Variants in RIPOR3 observed in about 807,000 individuals in gnomAD.
The protein encoded by RIPOR3 is family with sequence similarity 65 member C.
In RIPOR3, 95 loss-of-function variants were observed where a neutral mutation model predicts 114.3. That is an observed-to-expected ratio of 0.83 (90% CI 0.70 to 0.99). The LOEUF (loss-of-function observed/expected upper bound fraction) is 0.99, where lower values mean the gene tolerates loss of function less well. RIPOR3 is among the 50% of genes least tolerant of loss of function. RIPOR3 has a pLI of 0.00. For synonymous variants in RIPOR3, 575 were observed against 543.8 expected, an observed-to-expected ratio of 1.06 and a Z score of -0.80; for missense variants, 1,252 against 1,266.9, an observed-to-expected ratio of 0.99 and a Z score of 0.18.
chr20:50,663,953 T>A (rs1444421307), intron 1 of RIPOR3, among the ~76,000 whole-genome samples: 1 of 148,728 alleles, frequency 6.7e-6, no homozygotes, highest in Non-Finnish European at 1.5e-5. Flanking sequence ...TGAGATGGAG[T>A]TTCATTCTTA....
intron 1 of RIPOR3, among the ~76,000 whole-genome samples, chr20:50,655,693 G>GTGTGTGTT (rs2085786408): frequency 6.6e-6 from 1 of 151,310 alleles, no homozygotes; most frequent in Non-Finnish European, 1.5e-5. Flanking sequence ...GTGTGTGTGT[G>GTGTGTGTT]TGTGTGTGTG....
At chr20:50,620,980 G>A in intron 2 of RIPOR3, 1 of 527,186 alleles carries the variant, frequency 1.9e-6, no homozygotes, top group Non-Finnish European at 3.7e-6. Flanking sequence ...AGTTCATCAA[G>A]GAAAGGGTGG....
chr20:50,635,695 GAAGAA>G (rs1272407629), intron 1 of RIPOR3, among the ~76,000 whole-genome samples: 1 of 151,916 alleles, frequency 6.6e-6, no homozygotes, highest in African/African-American at 2.4e-5. Context: ...AAAAGGAAAG[GAAGAA>G]AAGAAGGAAA....
At chr20:50,650,127 T>C (rs992383193) in intron 1 of RIPOR3, among the ~76,000 whole-genome samples, 5 of 152,026 alleles carry the variant, frequency 3.3e-5, no homozygotes, top group African/African-American at 9.7e-5. Flanking sequence ...CTCTTCCAGG[T>C]TGCAGACTAT....
chr20:50,662,794 G>C (rs2086041363), intron 1 of RIPOR3, among the ~76,000 whole-genome samples: 1 of 152,186 alleles, frequency 6.6e-6, no homozygotes, highest in South Asian at 2.1e-4. Flanking sequence ...GGGAGTTTGT[G>C]CTAGACAAGA....
chr20:50,609,195 G>A (rs1568851942), intron 8 of RIPOR3, 98 bp downstream of exon 8: 7 of 1,467,066 alleles, frequency 4.8e-6, no homozygotes, highest in South Asian at 1.3e-5. Context: ...CCAGGGCTGG[G>A]CTCAGACCCC....
chr20:50,648,931 G>A lies in RIPOR3; in HGVS notation c.4-18075C>T, dbSNP rs184037171. On this transcript the variant is annotated intron_variant, in intron 1 of 21. Coordinates refer to ENST00000327979, the MANE Select transcript of RIPOR3 (RefSeq NM_001290268.2). Reference sequence around the variant, plus strand: ...GTGGCCCAGTTCCTAACAGACCATGGACAAGTACAAGTCCATGGCCCAGGG... The same window carrying A: ...GTGGCCCAGTTCCTAACAGACCATGAACAAGTACAAGTCCATGGCCCAGGG... Among the ~76,000 whole-genome samples the A allele has an allele frequency of 4.1e-3, 624 of 152,228 alleles. 2 individuals are homozygous for A. Among genetic ancestry groups the A allele is most frequent in the Admixed American group, 7.2e-3 (110 of 15,282 alleles).
chr20:50,645,323 A>G (rs1333559029), intron 1 of RIPOR3: 1 of 152,232 alleles, frequency 6.6e-6, no homozygotes, highest in Non-Finnish European at 1.5e-5. Context: ...AATCACAGCC[A>G]GCTCATGTCA....
At chr20:50,612,903 G>A (rs2084024885) in intron 4 of RIPOR3, among the ~76,000 whole-genome samples, 1 of 152,074 alleles carries the variant, frequency 6.6e-6, no homozygotes, top group South Asian at 2.1e-4. Flanking sequence ...GACCAGTCTG[G>A]GCAACACAGC....
rs2082929493 is a variant in RIPOR3 at position 50,586,607 on chromosome 20, TC to T, written c.*624del. The T allele has an allele frequency of 6.5e-6, 1 of 153,564 alleles. No individual in the cohort carries two copies. The highest frequency in any genetic ancestry group is 2.4e-5 in the African/African-American group (1 of 41,460). The allele number at this position is 153,564 out of a possible 1,614,324, so 9.5% of individuals were successfully genotyped here. A position where few individuals can be genotyped will look rare whatever the true frequency, so the allele number is the denominator to read the frequency against. On this transcript the variant is annotated 3_prime_UTR_variant, in exon 22 of 22. Coordinates refer to ENST00000327979, the MANE Select transcript of RIPOR3 (RefSeq NM_001290268.2). ...GGAAAGTGAGGTTCACAGTCCACCA[TC>T]CACCAGCCGCCGTCTGTGAGCTCCA...
intron 11 of RIPOR3, 134 bp downstream of exon 11, chr20:50,608,255 G>A: frequency 8.0e-7 from 1 of 1,256,902 alleles, no homozygotes; most frequent in Non-Finnish European, 1.1e-6. Context: ...GTGGGAGTGA[G>A]GGACAGATGA....
chr20:50,624,562 C>T (rs1031033995), intron 2 of RIPOR3, among the ~76,000 whole-genome samples: 6 of 152,184 alleles, frequency 3.9e-5, no homozygotes, highest in African/African-American at 7.2e-5. Context: ...TCTGAGAGCC[C>T]GCCCACCCGG....
intron 13 of RIPOR3, among the ~76,000 whole-genome samples, chr20:50,597,980 C>G (rs1344872561): frequency 1.3e-5 from 2 of 152,226 alleles, no homozygotes; most frequent in African/African-American, 4.8e-5. Context: ...ATCTCAGACA[C>G]CCACGGGGAC....
chr20:50,644,066 G>A (rs530275638), intron 1 of RIPOR3, among the ~76,000 whole-genome samples: 2 of 152,022 alleles, frequency 1.3e-5, no homozygotes, highest in South Asian at 4.2e-4. Context: ...GCTGCAGTGA[G>A]CCAGGATTGT....
At chr20:50,630,921 G>T in intron 1 of RIPOR3, 65 bp from the exon 2 acceptor site, 2 of 1,311,516 alleles carry the variant, frequency 1.5e-6, no homozygotes, top group Non-Finnish European at 2.1e-6. Context: ...CCGCAGGCCA[G>T]CCACCTTCCA....
chr20:50,595,501 G>A lies in RIPOR3; in HGVS notation c.1918C>T (p.Leu640=), dbSNP rs367962532. Residue 640 remains leucine, a synonymous_variant, in exon 16 of 22, where the codon CTG becomes TTG. Transcript: ENST00000327979. Reference sequence around the variant, plus strand: ...AGCCTTGATAAATTAGGGGAGGCCAGTTTCTGGGAAGCAGCCCAGATGCTC... The same window carrying A: ...AGCCTTGATAAATTAGGGGAGGCCAATTTCTGGGAAGCAGCCCAGATGCTC... ...LQVCKALLQK[L]ASPNLSRLVQ... The A allele has an allele frequency of 3.0e-5, 49 of 1,613,780 alleles. No individual in the cohort carries two copies. The highest frequency in any genetic ancestry group is 3.9e-5 in the Non-Finnish European group (46 of 1,179,924).
Position 50,608,471 on chromosome 20 carries a change from AGTC to A in RIPOR3, c.871_873del (p.Asp291del), listed in dbSNP as rs2083810867. 2 of 1,613,820 alleles carry A rather than the reference AGTC, an allele frequency of 1.2e-6. No homozygotes were observed. Among genetic ancestry groups the A allele is most frequent in the South Asian group, 2.2e-5 (2 of 91,086 alleles). ...ATGACCTGCGGCCGCGTCGTGAAGA[AGTC>A]GGCGATGTCACACGTCACTGCACCC... On this transcript the variant is annotated inframe_deletion, in exon 11 of 22. Transcript: ENST00000327979.
chr20:50,662,609 C>T (rs2086034834), intron 1 of RIPOR3, among the ~76,000 whole-genome samples: 1 of 152,228 alleles, frequency 6.6e-6, no homozygotes, highest in South Asian at 2.1e-4. Context: ...ACCCTCCTCT[C>T]GGGTGGCCCA....
At chr20:50,649,193 C>T (rs554935626) in intron 1 of RIPOR3, among the ~76,000 whole-genome samples, 2 of 152,272 alleles carry the variant, frequency 1.3e-5, no homozygotes, top group East Asian at 1.9e-4. Context: ...ACCTGTAATC[C>T]CAACACTTTG....
Sources: gnomAD v4.1 joint callset for allele counts (sites outside exome capture counted in the v4.1 genomes callset) on GRCh38, gnomAD v4.1.1 for gene constraint, MANE v1.5 for transcripts, NCBI Gene and HGNC (gene_info 2026-07-23, HGNC 2026-07-21) for gene names.